The following DPP10 variants were observed in gnomAD, a reference collection of about 807,000 sequenced individuals.
DPP10 encodes the protein dipeptidyl peptidase like 10.
A neutral mutation model predicts 120.9 loss-of-function variants in DPP10; 33 were observed. The observed-to-expected ratio is 0.27, with a 90% CI of 0.21 to 0.37. The LOEUF (loss-of-function observed/expected upper bound fraction) is 0.37. DPP10 is among the 10% of genes least tolerant of loss of function. DPP10 has a pLI of 1.00. For synonymous variants in DPP10, 337 were observed against 326.1 expected (o/e 1.03, Z -0.36); for missense variants, 816 against 942.8 (o/e 0.87, Z 1.76).
chr2:114,648,673 G>A (rs868008866), intron 1 of DPP10, among the ~76,000 whole-genome samples: 4 of 152,188 alleles, frequency 2.6e-5, no homozygotes, highest in Non-Finnish European at 1.5e-5. Context: ...TAAATTCAGG[G>A]TGAAAGGATT....
intron 1 of DPP10, among the ~76,000 whole-genome samples, chr2:114,555,773 T>G (rs1688242363): frequency 6.6e-6 from 1 of 152,194 alleles, no homozygotes; most frequent in Non-Finnish European, 1.5e-5. Context: ...GTAATCATTC[T>G]TATTGCTTTA....
intron 1 of DPP10, among the ~76,000 whole-genome samples, chr2:115,044,194 G>T (rs537596684): frequency 6.6e-6 from 1 of 151,946 alleles, no homozygotes; most frequent in Non-Finnish European, 1.5e-5. Flanking sequence ...ATTGACTCAC[G>T]CTTCTGCAGG....
chr2:114,856,856 G>T (rs535565856), intron 1 of DPP10, among the ~76,000 whole-genome samples: 34 of 152,206 alleles, frequency 2.2e-4, no homozygotes, highest in African/African-American at 8.2e-4. Context: ...ATACTTCAAA[G>T]TTCAAAACTC....
intron 3 of DPP10, among the ~76,000 whole-genome samples, chr2:115,353,787 T>C (rs1413497617): frequency 6.6e-6 from 1 of 152,190 alleles, no homozygotes; most frequent in African/African-American, 2.4e-5. Flanking sequence ...ATTCACTCAG[T>C]AATAAGTTCT....
chr2:114,830,106 C>G (rs1390627727), intron 1 of DPP10, among the ~76,000 whole-genome samples: 1 of 152,090 alleles, frequency 6.6e-6, no homozygotes, highest in African/African-American at 2.4e-5. Flanking sequence ...AGGTCTCTCC[C>G]ACCTTCCATC....
chr2:115,436,723 G>A (rs1455915136), intron 3 of DPP10, among the ~76,000 whole-genome samples: 1 of 151,814 alleles, frequency 6.6e-6, no homozygotes, highest in African/African-American at 2.4e-5. Flanking sequence ...AAACACTTGG[G>A]AGTTTAAAAA....
intron 1 of DPP10, among the ~76,000 whole-genome samples, chr2:114,765,676 A>G (rs1317736361): frequency 6.6e-6 from 1 of 152,226 alleles, no homozygotes; most frequent in African/African-American, 2.4e-5. Context: ...AATTAGCTAA[A>G]ACTTAAAATA....
chr2:114,939,730 G>A (rs1319075071), intron 1 of DPP10, among the ~76,000 whole-genome samples: 1 of 152,014 alleles, frequency 6.6e-6, no homozygotes, highest in Admixed American at 6.6e-5. Flanking sequence ...CTTAGAACTT[G>A]TGTTCACATG....
chr2:114,778,745 C>T (rs1681997046), intron 1 of DPP10, among the ~76,000 whole-genome samples: 1 of 152,004 alleles, frequency 6.6e-6, no homozygotes, highest in Non-Finnish European at 1.5e-5. Flanking sequence ...ATGACTGCAC[C>T]TAATTGCAAA....
chr2:115,614,550 C>T (rs996589672), intron 5 of DPP10, among the ~76,000 whole-genome samples: 8 of 152,102 alleles, frequency 5.3e-5, no homozygotes, highest in African/African-American at 1.7e-4. Flanking sequence ...CTCAGCCTCC[C>T]GAGTAGCTGG....
chr2:115,244,016 G>A (rs1391097834), intron 1 of DPP10, among the ~76,000 whole-genome samples: 1 of 151,030 alleles, frequency 6.6e-6, no homozygotes, highest in East Asian at 1.9e-4. Context: ...TTAGATTTAA[G>A]CCTTTTTTAT....
At chr2:115,020,799 A>C (rs569299540) in intron 1 of DPP10, among the ~76,000 whole-genome samples, 52 of 152,282 alleles carry the variant, frequency 3.4e-4, no homozygotes, top group African/African-American at 1.2e-3. Context: ...ATTTAAGAAA[A>C]CTAAAATTAT....
At chr2:115,281,318 G>T (rs2060148067) in intron 1 of DPP10, among the ~76,000 whole-genome samples, 2 of 152,094 alleles carry the variant, frequency 1.3e-5, no homozygotes, top group African/African-American at 4.8e-5. Context: ...TATTCTCCCT[G>T]TGCACCCACT....
At chr2:115,291,748 A>G (rs1256587871) in intron 1 of DPP10, among the ~76,000 whole-genome samples, 3 of 152,146 alleles carry the variant, frequency 2.0e-5, no homozygotes, top group Non-Finnish European at 4.4e-5. Context: ...GTGACGATGG[A>G]ATGGTCACTG....
intron 5 of DPP10, among the ~76,000 whole-genome samples, chr2:115,572,215 ATT>A (rs34855802): frequency 2.5e-3 from 366 of 147,742 alleles, no homozygotes; most frequent in Non-Finnish European, 3.6e-3. Flanking sequence ...ACCCACAAAC[ATT>A]TTTTTTTTTT....
At chr2:115,488,803 C>T (rs1426046423) in intron 3 of DPP10, among the ~76,000 whole-genome samples, 16 of 130,324 alleles carry the variant, frequency 1.2e-4, no homozygotes, top group South Asian at 2.7e-4. Context: ...GTGGGTGCAG[C>T]GCACCAGCAT....
intron 4 of DPP10, among the ~76,000 whole-genome samples, chr2:115,510,631 A>G (rs1435905088): frequency 6.6e-6 from 1 of 152,072 alleles, no homozygotes; most frequent in Non-Finnish European, 1.5e-5. Flanking sequence ...TGTCCCTTAC[A>G]TTTCCATATG....
intron 3 of DPP10, among the ~76,000 whole-genome samples, chr2:115,415,028 A>T (rs2069266805): frequency 6.6e-6 from 1 of 152,182 alleles, no homozygotes. Flanking sequence ...TCATTATCTT[A>T]GATCTTAGCC....
chr2:115,392,659 A>C (rs1003510958), intron 3 of DPP10, among the ~76,000 whole-genome samples: 1 of 152,118 alleles, frequency 6.6e-6, no homozygotes, highest in Non-Finnish European at 1.5e-5. Flanking sequence ...GCAAGATATT[A>C]TAGTTTATAG....
Sources: gnomAD v4.1 joint callset for allele counts (sites outside exome capture counted in the v4.1 genomes callset) on GRCh38, gnomAD v4.1.1 for gene constraint, MANE v1.5 for transcripts, NCBI Gene and HGNC (gene_info 2026-07-23, HGNC 2026-07-21) for gene names.